AK9: variants seen among roughly 807,000 people sequenced by gnomAD.
AK9 encodes adenylate kinase 9.
Under a neutral mutation model 239.6 loss-of-function variants are expected in AK9, and 191 were observed. The observed-to-expected ratio is 0.80, with a 90% CI of 0.71 to 0.90. The LOEUF is 0.90. Among genes scored for constraint, AK9 ranks in the 40% least tolerant of loss-of-function variants. The probability of loss-of-function intolerance (pLI) is 0.00; values close to 1 mark genes in which losing one functional copy is unlikely to be tolerated. For missense variants in AK9, 1,995 were observed against 2,214.7 expected (o/e 0.90, Z 1.99); for synonymous variants, 689 against 721.0 (o/e 0.96, Z 0.71).
At chr6:109,540,794 C>T (rs1043903639) in intron 27 of AK9, among the ~76,000 whole-genome samples, 18 of 152,180 alleles carry the variant, frequency 1.2e-4, no homozygotes, top group African/African-American at 4.1e-4. Context: ...TCCTACTGTT[C>T]CTGCTGTCAT....
At chr6:109,548,825 AGAG>A (rs376515584) in intron 25 of AK9, among the ~76,000 whole-genome samples, 14 of 152,352 alleles carry the variant, frequency 9.2e-5, no homozygotes, top group African/African-American at 3.4e-4. Flanking sequence ...GAAGAACTGT[AGAG>A]GAGATGAAAC....
chr6:109,571,722 C>T (rs1240593331), intron 21 of AK9, among the ~76,000 whole-genome samples: 1 of 152,096 alleles, frequency 6.6e-6, no homozygotes, highest in Non-Finnish European at 1.5e-5. Flanking sequence ...AGACATTTTT[C>T]AAATTTCTAT....
chr6:109,553,819 T>C (rs2128169188), intron 24 of AK9, among the ~76,000 whole-genome samples: 1 of 152,358 alleles, frequency 6.6e-6, no homozygotes, highest in East Asian at 1.9e-4. Flanking sequence ...GCCCATTCAA[T>C]ATGATATTCG....
At chr6:109,688,809 T>C (rs568258350) in intron 1 of AK9, among the ~76,000 whole-genome samples, 67 of 152,168 alleles carry the variant, frequency 4.4e-4, no homozygotes, top group Non-Finnish European at 8.4e-4. Flanking sequence ...TAAGGAGTTA[T>C]TGCACTGGCA....
rs372470303 is a variant in AK9 at position 109,672,028 on chromosome 6, A to G, written c.235-13T>C. 182 of 1,613,390 alleles carry G rather than the reference A, an allele frequency of 1.1e-4. No individual in the cohort carries two copies. The highest frequency in any genetic ancestry group is 8.2e-4 in the Middle Eastern group (5 of 6,072). The stretch of plus-strand genomic sequence containing the variant: ...ACATTGATTGCAACTAAGGACAAGC[A>G]TAGATATTGTACATTACTGTATAAT... On this transcript the variant is annotated splice_polypyrimidine_tract_variant and intron_variant, in intron 4 of 40. Coordinates refer to ENST00000424296, the MANE Select transcript of AK9 (RefSeq NM_001145128.3).
chr6:109,615,584 T>G (rs1276389064), intron 13 of AK9, among the ~76,000 whole-genome samples: 2 of 152,270 alleles, frequency 1.3e-5, no homozygotes, highest in Admixed American at 1.3e-4. Context: ...GATAACCATT[T>G]GGATGGCATG....
chr6:109,614,129 G>GAAATAAATGA, intron 15 of AK9, 54 bp downstream of exon 15: 6 of 1,452,408 alleles, frequency 4.1e-6, no homozygotes, highest in Non-Finnish European at 5.7e-6. Context: ...AATCAAATAT[G>GAAATAAATGA]AAATAAATGA....
chr6:109,502,336 C>A (rs1036402212), intron 35 of AK9, among the ~76,000 whole-genome samples: 2 of 152,234 alleles, frequency 1.3e-5, no homozygotes, highest in South Asian at 2.1e-4. Flanking sequence ...CACAAACAGA[C>A]AGATACGGAA....
chr6:109,664,742 AAAG>A (rs1310400675), intron 5 of AK9, among the ~76,000 whole-genome samples: 73 of 151,924 alleles, frequency 4.8e-4, no homozygotes, highest in African/African-American at 1.6e-3. Flanking sequence ...TATTTTTAAA[AAAG>A]AAGATCAGGC....
Position 109,674,195 on chromosome 6 carries a change from T to C in AK9, c.181+3A>G. The C allele has an allele frequency of 6.4e-7, 1 of 1,569,402 alleles. No homozygotes were observed. The highest frequency in any genetic ancestry group is 2.0e-5 in the Admixed American group (1 of 50,344). ...AATATTAGAGAAAAAAGATAAAATT[T>C]ACCTTCAACACGAATACATTTCCAT... On this transcript the variant is annotated splice_donor_region_variant and intron_variant, in intron 3 of 40. Coordinates refer to ENST00000424296, the MANE Select transcript of AK9 (RefSeq NM_001145128.3).
chr6:109,568,509 T>C (rs1333267832), intron 21 of AK9, among the ~76,000 whole-genome samples: 2 of 152,166 alleles, frequency 1.3e-5, no homozygotes, highest in Non-Finnish European at 2.9e-5. Context: ...GCAAATGACA[T>C]GATTGTATAT....
intron 8 of AK9, among the ~76,000 whole-genome samples, chr6:109,651,485 A>G (rs920102933): frequency 2.0e-5 from 3 of 152,216 alleles, no homozygotes; most frequent in Non-Finnish European, 4.4e-5. Context: ...TAAAATCGAC[A>G]ACCTAACATC....
rs555261744 is a variant in AK9 at position 109,499,290 on chromosome 6, C to T, written c.4850-50G>A. The T allele has an allele frequency of 4.8e-5, 63 of 1,303,420 alleles. 1 individual carries two copies. In the East Asian group the frequency reaches 8.2e-4, roughly 17 times the overall value. 80.7% of individuals were successfully genotyped at this position (1,303,420 alleles called of 1,614,324 possible). On this transcript the variant is annotated intron_variant, in intron 35 of 40. Coordinates refer to ENST00000424296, the MANE Select transcript of AK9 (RefSeq NM_001145128.3). ...TCATGTATATATTTTTCATAGAGAA[C>T]GCAATGATTTTAGAAATTAAAATAA...
chr6:109,605,041 T>C (rs547686253), intron 17 of AK9, among the ~76,000 whole-genome samples: 2 of 152,354 alleles, frequency 1.3e-5, no homozygotes, highest in South Asian at 4.1e-4. Flanking sequence ...AAGTAAATAG[T>C]ATCAACTGAA....
rs569491152 is a variant in AK9 at position 109,637,748 on chromosome 6, C to T, written c.933+3770G>A. 2.6e-5 allele frequency among the ~76,000 whole-genome samples: 4 copies of T among 152,272 alleles called. No individual in the cohort carries two copies. In the East Asian group the frequency reaches 5.8e-4, roughly 22 times the overall value. ...TATTGATTCTCTAAAAATCACCTGC[C>T]TTTAGCTGAAGATTATTCATCTAAA... On this transcript the variant is annotated intron_variant, in intron 10 of 40. Coordinates refer to ENST00000424296, the MANE Select transcript of AK9 (RefSeq NM_001145128.3).
chr6:109,638,291 G>A lies in AK9; in HGVS notation c.933+3227C>T, dbSNP rs75372232. On this transcript the variant is annotated intron_variant, in intron 10 of 40. Coordinates refer to ENST00000424296, the MANE Select transcript of AK9 (RefSeq NM_001145128.3). ...ACTCAGTTTATTTTTCCCAGCCTCT[G>A]TTCTGACCAAGCCCACTTTTCTTCC... 6.9e-3 allele frequency among the ~76,000 whole-genome samples: 1,043 copies of A among 152,082 alleles called. 13 individuals are homozygous for A. Among genetic ancestry groups the A allele is most frequent in the African/African-American group, 0.024 (1,009 of 41,466 alleles).
Position 109,629,649 on chromosome 6 carries a change from TTG to T in AK9, c.1254+3272_1254+3273del, listed in dbSNP as rs1491473668. Among the ~76,000 whole-genome samples, 1,065 of 151,952 alleles carry T rather than the reference TTG, an allele frequency of 7.0e-3. 5 individuals carry two copies. Among genetic ancestry groups the T allele is most frequent in the Middle Eastern group, 0.01 (3 of 294 alleles). Reference sequence around the variant, plus strand: ...GTATTTGAAAAATTTTTTTTTTTTTTTGAGACAGAGTCTGGCTCTGTCACCCA... The same window carrying T: ...GTATTTGAAAAATTTTTTTTTTTTTTAGACAGAGTCTGGCTCTGTCACCCA... On this transcript the variant is annotated intron_variant, in intron 12 of 40. Coordinates refer to ENST00000424296, the MANE Select transcript of AK9 (RefSeq NM_001145128.3).
intron 17 of AK9, among the ~76,000 whole-genome samples, chr6:109,591,423 G>C (rs746631142): frequency 6.6e-6 from 1 of 151,860 alleles, no homozygotes; most frequent in Non-Finnish European, 1.5e-5. Flanking sequence ...TACTAGTTAG[G>C]TGGGTTTCTT....
intron 7 of AK9, among the ~76,000 whole-genome samples, chr6:109,658,661 T>G (rs1013659745): frequency 2.0e-4 from 30 of 152,278 alleles, no homozygotes; most frequent in African/African-American, 5.1e-4. Context: ...TAAAATTTTT[T>G]GATATATTTA....
Sources: allele counts gnomAD v4.1 joint callset (sites outside exome capture counted in the v4.1 genomes callset), GRCh38; gene constraint gnomAD v4.1.1; transcripts MANE v1.5; gene names NCBI Gene and HGNC (gene_info 2026-07-23, HGNC 2026-07-21).